Variants in TMEM40 observed in about 807,000 individuals in gnomAD.
The protein encoded by TMEM40 is transmembrane protein 40.
In TMEM40, 34 loss-of-function variants were observed where a neutral mutation model predicts 40.8. The ratio of observed to expected loss-of-function variants is 0.83; its 90% confidence interval spans 0.63 to 1.11. The LOEUF (loss-of-function observed/expected upper bound fraction) is 1.11. Ranked by LOEUF, TMEM40 falls within the 50% of genes least tolerant of loss-of-function variation. The pLI is 0.00. For missense variants in TMEM40, 296 were observed against 280.2 expected (o/e 1.06, Z -0.40); for synonymous variants, 106 against 107.0 (o/e 0.99, Z 0.06).
chr3:12,737,629 C>A, intron 8 of TMEM40, 78 bp downstream of exon 8: 1 of 1,391,852 alleles, frequency 7.2e-7, no homozygotes, highest in South Asian at 1.2e-5. Flanking sequence ...TACTGCTGTG[C>A]TAGGCCACCA....
chr3:12,736,544 CTG>C (rs753565486), intron 10 of TMEM40, 32 bp downstream of exon 10: 5 of 1,541,626 alleles, frequency 3.2e-6, no homozygotes, highest in Admixed American at 3.9e-5. Context: ...CTCCAAGAGA[CTG>C]TGTGTGTGTC....
At chr3:12,754,361 G>C (rs1048953684) in intron 1 of TMEM40, among the ~76,000 whole-genome samples, 1 of 152,158 alleles carries the variant, frequency 6.6e-6, no homozygotes. Flanking sequence ...TGTACAGAAA[G>C]AGGATGGTTG....
At chr3:12,755,411 G>A (rs572664003) in intron 1 of TMEM40, among the ~76,000 whole-genome samples, 1 of 151,724 alleles carries the variant, frequency 6.6e-6, no homozygotes, top group African/African-American at 2.4e-5. Context: ...AAAGTGTTGG[G>A]ACTGGCCTTC....
intron 1 of TMEM40, among the ~76,000 whole-genome samples, chr3:12,758,774 C>T (rs138000800): frequency 6.2e-4 from 94 of 152,242 alleles, no homozygotes; most frequent in African/African-American, 1.9e-3. Context: ...GAGACATTTG[C>T]GGGAACACCC....
intron 1 of TMEM40, among the ~76,000 whole-genome samples, chr3:12,756,696 G>A (rs1345039482): frequency 2.0e-5 from 3 of 152,014 alleles, no homozygotes; most frequent in East Asian, 1.9e-4. Flanking sequence ...AGAGCCAGGC[G>A]GGTCCCTTCT....
upstream of TMEM40, among the ~76,000 whole-genome samples, chr3:12,759,746 G>A (rs1385658132): frequency 1.3e-5 from 2 of 152,206 alleles, no homozygotes; most frequent in Non-Finnish European, 1.5e-5. Context: ...CTCCTAGGGA[G>A]GAAACTGGGT....
chr3:12,737,388 G>A, intron 8 of TMEM40: 1 of 389,096 alleles, frequency 2.6e-6, no homozygotes, highest in East Asian at 5.1e-5. Flanking sequence ...CCCCATCCTG[G>A]CCACAAGACC....
At position 12,749,903 on chromosome 3, in the gene TMEM40, G is replaced by C. The variant is rs567653207; in HGVS notation, c.-8-63C>G. 333 of 1,421,372 alleles carry C rather than the reference G, an allele frequency of 2.3e-4. 1 individual carries two copies. In the South Asian group the frequency reaches 3.8e-3, roughly 16 times the overall value. The allele number at this position is 1,421,372 out of a possible 1,614,324, so 88.0% of individuals were successfully genotyped here. A position where few individuals can be genotyped will look rare whatever the true frequency, so the allele number is the denominator to read the frequency against. On this transcript the variant is annotated intron_variant, in intron 1 of 11. Coordinates refer to ENST00000314124, the MANE Select transcript of TMEM40 (RefSeq NM_018306.4). ...TAGTTAATATCTTAATATACAAAGAGCTTGGCAAATAAATAAGAAAAAGAC... is the reference window on the plus strand; with the variant it reads ...TAGTTAATATCTTAATATACAAAGACCTTGGCAAATAAATAAGAAAAAGAC...
chr3:12,759,959 C>T (rs952897495), upstream of TMEM40, among the ~76,000 whole-genome samples: 1 of 122,400 alleles, frequency 8.2e-6, no homozygotes, highest in Non-Finnish European at 1.7e-5. Flanking sequence ...CGGGAGCCCC[C>T]AGCCTTGGAG....
At chr3:12,754,065 C>A (rs1328498400) in intron 1 of TMEM40, among the ~76,000 whole-genome samples, 1 of 152,194 alleles carries the variant, frequency 6.6e-6, no homozygotes, top group South Asian at 2.1e-4. Context: ...CATGGAGCCA[C>A]ACGGGGCAAG....
intron 4 of TMEM40, among the ~76,000 whole-genome samples, chr3:12,743,055 A>G (rs2061395805): frequency 6.6e-6 from 1 of 152,210 alleles, no homozygotes; most frequent in South Asian, 2.1e-4. Context: ...TTTATTAAAC[A>G]CCTTCTGTGT....
At chr3:12,740,371 T>C (rs2061372235) in intron 5 of TMEM40, among the ~76,000 whole-genome samples, 1 of 151,180 alleles carries the variant, frequency 6.6e-6, no homozygotes. Context: ...ATTACAGGCA[T>C]GAGCCACAGC....
chr3:12,761,399 G>A (rs192695086), upstream of TMEM40, among the ~76,000 whole-genome samples: 624 of 152,284 alleles, frequency 4.1e-3, 7 homozygotes, highest in African/African-American at 0.014. Context: ...GAGTCCAGGA[G>A]TTCAAGACCG....
intron 3 of TMEM40, 67 bp from the exon 4 acceptor site, chr3:12,744,056 T>C (rs1381549427): frequency 4.7e-6 from 7 of 1,489,254 alleles, no homozygotes; most frequent in Non-Finnish European, 6.4e-6. Context: ...GCGTTCATTC[T>C]GGTGGCCATT....
In TMEM40 at chr3:12,748,682, AG is replaced by A. The variant is rs746446378; in HGVS notation, c.183del (p.Ser62HisfsTer49). 1 of 1,613,156 alleles carries A rather than the reference AG, an allele frequency of 6.2e-7. No homozygotes were observed. Among genetic ancestry groups the A allele is most frequent in the East Asian group, 2.2e-5 (1 of 44,886 alleles). Reference sequence around the variant, plus strand: ...GAGGAGGAGGAGGATGAAGAAGATGAGGAGGATGAGGAGGAAGAGGAGGAGG... The same window carrying A: ...GAGGAGGAGGAGGATGAAGAAGATGAGAGGATGAGGAGGAAGAGGAGGAGG... Reference protein sequence around the residue: ...SSSSSSSSSSSSSSSSSSSSE... With the variant: ...SSSSSSSSSSXSSSSSSSSSE... On this transcript the variant is annotated frameshift_variant, in exon 3 of 12. Coordinates refer to ENST00000314124, the MANE Select transcript of TMEM40 (RefSeq NM_018306.4). LOFTEE classifies it high-confidence loss of function.
At chr3:12,742,085 G>A (rs1469654631) in intron 5 of TMEM40, among the ~76,000 whole-genome samples, 1 of 152,108 alleles carries the variant, frequency 6.6e-6, no homozygotes, top group Admixed American at 6.6e-5. Context: ...CAAAAAATTA[G>A]CTGGGCTGGT....
intron 1 of TMEM40, among the ~76,000 whole-genome samples, chr3:12,755,796 C>T (rs2061522862): frequency 6.6e-6 from 1 of 152,192 alleles, no homozygotes; most frequent in Non-Finnish European, 1.5e-5. Context: ...GCCACGTCTT[C>T]CTTTTCTCTA....
upstream of TMEM40, among the ~76,000 whole-genome samples, chr3:12,761,817 G>A (rs1248994895): frequency 6.6e-6 from 1 of 152,020 alleles, no homozygotes; most frequent in Non-Finnish European, 1.5e-5. Context: ...CACATGGCTG[G>A]TCAGGATTGA....
intron 7 of TMEM40, 58 bp downstream of exon 7, chr3:12,738,078 A>T (rs1158845945): frequency 3.1e-6 from 5 of 1,606,020 alleles, no homozygotes; most frequent in Non-Finnish European, 4.3e-6. Flanking sequence ...TGAGGACCCA[A>T]CCCATCGTCT....
Sources: gnomAD v4.1 joint callset for allele counts (sites outside exome capture counted in the v4.1 genomes callset) on GRCh38, gnomAD v4.1.1 for gene constraint, MANE v1.5 for transcripts, NCBI Gene and HGNC (gene_info 2026-07-23, HGNC 2026-07-21) for gene names.